MYO7B: variants seen among roughly 807,000 people sequenced by gnomAD.
The protein encoded by MYO7B is myosin VIIB, also known as unconventional myosin-VIIb.
A neutral mutation model predicts 259.7 loss-of-function variants in MYO7B; 212 were observed. The observed-to-expected ratio is 0.82, with a 90% CI of 0.73 to 0.91. The LOEUF is 0.91. Among genes scored for constraint, MYO7B ranks in the 40% least tolerant of loss-of-function variants. MYO7B has a pLI of 0.00. For missense variants in MYO7B, 2,732 were observed against 2,813.5 expected (o/e 0.97, Z 0.66); for synonymous variants, 1,197 against 1,166.4 (o/e 1.03, Z -0.54).
chr2:127,609,603 A>T lies in MYO7B; in HGVS notation c.2912A>T (p.Tyr971Phe). Reference protein sequence around the residue: ...PEEDVDGLAEYTFPKFAVTYF... With the variant: ...PEEDVDGLAEFTFPKFAVTYF... Reference sequence around the variant, plus strand: ...GAGGATGTGGATGGCCTGGCCGAGTACACCTTCCCCAAGTTTGCTGTGACT... The same window carrying T: ...GAGGATGTGGATGGCCTGGCCGAGTTCACCTTCCCCAAGTTTGCTGTGACT... The change falls in exon 23 of 48, where the codon TAC becomes TTC. Residue 971 changes from tyrosine (Y) to phenylalanine (F), a missense_variant. Around this residue, in one of 3 missense-constraint regions of MYO7B, gnomAD observed 1,906 missense variants for 2,026.4 expected, o/e 0.94. Transcript: ENST00000409816. The surrounding 1 kb of genome is among the most constrained non-coding windows in gnomAD (Gnocchi z 6.9). 1.2e-6 allele frequency: 2 copies of T among 1,613,974 alleles called. No individual in the cohort carries two copies. The highest frequency in any genetic ancestry group is 1.6e-4 in the Middle Eastern group (1 of 6,062).
At chr2:127,581,549 T>C (rs1239486867) in intron 10 of MYO7B, among the ~76,000 whole-genome samples, 1 of 152,220 alleles carries the variant, frequency 6.6e-6, no homozygotes, top group Non-Finnish European at 1.5e-5. Context: ...CACACTCTCT[T>C]GCTCCTTTAG....
In MYO7B at chr2:127,636,427, C is replaced by G. The variant is rs1019063858; in HGVS notation, c.6123+103C>G. On this transcript the variant is annotated intron_variant, in intron 45 of 47. Transcript: ENST00000409816. This position sits in a 1 kb window ranked among gnomAD's most constrained non-coding sequence, Gnocchi z 4.5. ...CAGCACACATCTTGGGTGGGGCTGG[C>G]CGTGAGGCTGGAGGGCGTGGGTGTA... 1 of 1,431,566 alleles carries G rather than the reference C, an allele frequency of 7.0e-7. No homozygotes were observed. 88.7% of individuals were successfully genotyped at this position (1,431,566 alleles called of 1,614,324 possible).
intron 9 of MYO7B, among the ~76,000 whole-genome samples, chr2:127,580,056 T>C (rs1400188910): frequency 1.3e-5 from 2 of 152,224 alleles, no homozygotes; most frequent in Non-Finnish European, 2.9e-5. Flanking sequence ...AGATCCTAGA[T>C]TTGGCTTTAG....
intron 6 of MYO7B, among the ~76,000 whole-genome samples, chr2:127,573,343 A>G (rs1678726449): frequency 6.6e-6 from 1 of 152,210 alleles, no homozygotes; most frequent in Non-Finnish European, 1.5e-5. Flanking sequence ...CTAGGATGTA[A>G]TGCAAAATAT....
At chr2:127,573,591 G>A (rs974999596) in intron 6 of MYO7B, among the ~76,000 whole-genome samples, 3 of 152,146 alleles carry the variant, frequency 2.0e-5, no homozygotes, top group African/African-American at 7.2e-5. Flanking sequence ...CCCAAGTTCT[G>A]AGCCCGGCAT....
intron 1 of MYO7B, among the ~76,000 whole-genome samples, chr2:127,538,137 G>A (rs1458552697): frequency 1.3e-5 from 2 of 152,118 alleles, no homozygotes; most frequent in Non-Finnish European, 2.9e-5. Flanking sequence ...AGGGGAGGAT[G>A]GTGTGAGGAT....
chr2:127,578,371 CAGGA>C, intron 9 of MYO7B, 85 bp downstream of exon 9: 4 of 1,533,704 alleles, frequency 2.6e-6, no homozygotes, highest in Non-Finnish European at 3.6e-6. Flanking sequence ...GGGGTTCTCA[CAGGA>C]AGGATCCTGT....
At chr2:127,574,102 G>T (rs567468587) in intron 7 of MYO7B, 40 bp downstream of exon 7, 4 of 1,610,462 alleles carry the variant, frequency 2.5e-6, no homozygotes, top group South Asian at 2.2e-5. Flanking sequence ...TTGAGGGAAT[G>T]GGGGAGGTTT....
chr2:127,539,622 GCTTCTCAAGGACTAT>G lies in MYO7B; in HGVS notation c.-24+3793_-24+3807del, dbSNP rs1364413547. On this transcript the variant is annotated intron_variant, in intron 1 of 47. Coordinates refer to ENST00000409816, the MANE Select transcript of MYO7B (RefSeq NM_001393586.1). The surrounding 1 kb of genome is among the most constrained non-coding windows in gnomAD (Gnocchi z 4.0). Reference sequence around the variant, plus strand: ...CACGGGCTATCTCAGCATGAAGGGGGCTTCTCAAGGACTATCATAAAAAGGAATGAATAAGGACTT... The same window carrying G: ...CACGGGCTATCTCAGCATGAAGGGGGCATAAAAAGGAATGAATAAGGACTT... Among the ~76,000 whole-genome samples the G allele has an allele frequency of 1.3e-5, 2 of 152,190 alleles. No individual in the cohort carries two copies. Among genetic ancestry groups the G allele is most frequent in the Admixed American group, 1.3e-4 (2 of 15,282 alleles).
At chr2:127,571,441 A>ATTTTTT (rs1678601958) in intron 6 of MYO7B, among the ~76,000 whole-genome samples, 2 of 17,628 alleles carry the variant, frequency 1.1e-4, no homozygotes, top group South Asian at 1.3e-3. Context: ...CTTACCAGTG[A>ATTTTTT]GTTTTTTTTT....
chr2:127,571,464 GTTTGTTT>G (rs1318907704), intron 6 of MYO7B, among the ~76,000 whole-genome samples: 1 of 41,186 alleles, frequency 2.4e-5, no homozygotes, highest in Non-Finnish European at 4.6e-5. Context: ...TTTTTTGCTT[GTTTGTTT>G]TTTGTTTGTT....
chr2:127,608,649 G>A (rs1680251958), intron 21 of MYO7B, 59 bp from the exon 22 acceptor site: 4 of 1,549,938 alleles, frequency 2.6e-6, no homozygotes, highest in Non-Finnish European at 3.5e-6. Context: ...GGGTAGGCAG[G>A]GCTGGGCCCC....
At chr2:127,556,975 G>A (rs1677854849) in intron 1 of MYO7B, among the ~76,000 whole-genome samples, 1 of 152,158 alleles carries the variant, frequency 6.6e-6, no homozygotes, top group Non-Finnish European at 1.5e-5. Context: ...CCCAAAAAAT[G>A]TGTTCCAAAC....
chr2:127,566,498 G>T, intron 4 of MYO7B, 145 bp from the exon 5 acceptor site: 4 of 726,720 alleles, frequency 5.5e-6, no homozygotes, highest in Non-Finnish European at 8.7e-6. Flanking sequence ...TGATCTCCCT[G>T]GCCCAGAATC....
Position 127,559,449 on chromosome 2 carries a change from T to C in MYO7B, c.-23-251T>C, listed in dbSNP as rs1298716289. On this transcript the variant is annotated intron_variant, in intron 1 of 47. Coordinates refer to ENST00000409816, the MANE Select transcript of MYO7B (RefSeq NM_001393586.1). The surrounding 1 kb of genome is among the most constrained non-coding windows in gnomAD (Gnocchi z 4.1). ...GGATGACAGGGAACCACCTACTCCCTGTATCAAGCCCAGGACTGGGTATGA... is the reference window on the plus strand; with the variant it reads ...GGATGACAGGGAACCACCTACTCCCCGTATCAAGCCCAGGACTGGGTATGA... Among the ~76,000 whole-genome samples, 1 of 152,210 alleles carries C rather than the reference T, an allele frequency of 6.6e-6. No individual in the cohort carries two copies. Among genetic ancestry groups the C allele is most frequent in the Non-Finnish European group, 1.5e-5 (1 of 68,042 alleles).
rs767949829 is a variant in MYO7B, at chr2:127,608,800, G to A, written c.2736G>A (p.Thr912=). The change falls in exon 22 of 48, where the codon ACG becomes ACA. Residue 912 remains threonine (T), a synonymous_variant. Transcript: ENST00000409816. ...CCATCTACGACACCGTCACTGACAC[G>A]GAGATGGTGGAGAAGGTGTTCGGCT... ...RRSIYDTVTD[T]EMVEKVFGFL... 2.2e-5 allele frequency: 35 copies of A among 1,613,434 alleles called. No individual in the cohort carries two copies. The highest frequency in any genetic ancestry group is 2.0e-4 in the East Asian group (9 of 44,886).
rs1399539893 is a variant in MYO7B at position 127,578,247 on chromosome 2, C to T, written c.964C>T (p.Leu322=). ...DSESWDVIKL[L]AAILHLGNVG... is the part of the protein sequence containing the mutation. ...CGAGAGCTGGGACGTCATCAAGCTG[C>T]TGGCTGCCATTCTCCACCTGGGGAA... The change falls in exon 9 of 48, where the codon CTG becomes TTG. Residue 322 remains leucine, a synonymous_variant. Transcript: ENST00000409816. 17 of 1,613,616 alleles carry T rather than the reference C, an allele frequency of 1.1e-5. No homozygotes were observed. The highest frequency in any genetic ancestry group is 1.4e-5 in the Non-Finnish European group (16 of 1,179,872).
intron 1 of MYO7B, among the ~76,000 whole-genome samples, chr2:127,543,121 C>G (rs1042012206): frequency 6.6e-6 from 1 of 152,314 alleles, no homozygotes; most frequent in Admixed American, 6.5e-5. Context: ...AGCACAGACC[C>G]TTTACGGGTG....
intron 16 of MYO7B, among the ~76,000 whole-genome samples, chr2:127,592,314 G>A (rs902184513): frequency 1.1e-4 from 16 of 152,202 alleles, no homozygotes; most frequent in Non-Finnish European, 2.4e-4. Context: ...AGAATCGCTT[G>A]CACCCAGGAG....
Sources: gnomAD v4.1 joint callset for allele counts (sites outside exome capture counted in the v4.1 genomes callset) on GRCh38, gnomAD v4.1.1 for gene constraint, gnomAD v4.1.1 regional missense constraint, Gnocchi (gnomAD v3.1) non-coding constraint, MANE v1.5 for transcripts, NCBI Gene and HGNC (gene_info 2026-07-23, HGNC 2026-07-21) for gene names.